EXD3: variants seen among roughly 807,000 people sequenced by gnomAD.
EXD3 encodes exonuclease 3'-5' domain containing 3, also known as exonuclease mut-7 homolog.
In EXD3, 92 loss-of-function variants were observed where a neutral mutation model predicts 98.0. The observed-to-expected ratio is 0.94, with a 90% CI of 0.79 to 1.12. EXD3 has a LOEUF of 1.12. Ranked by LOEUF, EXD3 falls within the 50% of genes most tolerant of loss-of-function variation. The probability of loss-of-function intolerance (pLI) is 0.00; values close to 1 mark genes in which losing one functional copy is unlikely to be tolerated. For missense variants in EXD3, 1,222 were observed against 1,191.6 expected (o/e 1.03, Z -0.38); for synonymous variants, 569 against 526.0 (o/e 1.08, Z -1.12).
chr9:137,375,694 G>A (rs779148471), intron 3 of EXD3, among the ~76,000 whole-genome samples: 41 of 151,100 alleles, frequency 2.7e-4, no homozygotes, highest in Non-Finnish European at 4.9e-4. Flanking sequence ...TCTAGCTTTC[G>A]TGAGTTCTAG....
intron 17 of EXD3, among the ~76,000 whole-genome samples, chr9:137,333,487 C>G (rs965626820): frequency 6.6e-5 from 10 of 152,146 alleles, no homozygotes; most frequent in African/African-American, 2.4e-4. Context: ...GTGTCCCCGC[C>G]CAAATCTCAT....
At position 137,393,139 on chromosome 9, in the gene EXD3, C is replaced by T. The variant is rs139849088; in HGVS notation, c.55+2164G>A. ...GGGCCATTAGTGTTCCAGGGGGCGC[C>T]GAGGCTGTTCCAGGGGCCCTGCTAG... is the stretch of plus-strand genomic sequence containing the variant. On this transcript the variant is annotated intron_variant, in intron 2 of 21. Transcript: ENST00000340951. The surrounding 1 kb of genome is among the most constrained non-coding windows in gnomAD (Gnocchi z 4.6). 2,667 of 700,892 alleles carry T rather than the reference C, an allele frequency of 3.8e-3. 15 individuals carry two copies. The highest frequency in any genetic ancestry group is 0.017 in the Middle Eastern group (61 of 3,554). 43.4% of individuals were successfully genotyped at this position (700,892 alleles called of 1,614,324 possible). A position where few individuals can be genotyped will look rare whatever the true frequency, so the allele number is the denominator to read the frequency against.
chr9:137,375,827 G>A (rs1263246092), intron 3 of EXD3, among the ~76,000 whole-genome samples: 2 of 152,148 alleles, frequency 1.3e-5, no homozygotes, highest in African/African-American at 4.8e-5. Context: ...AAAAGTTCCA[G>A]TAAATGAGCT....
intron 2 of EXD3, among the ~76,000 whole-genome samples, chr9:137,388,340 C>T (rs943415560): frequency 2.6e-5 from 4 of 152,048 alleles, no homozygotes; most frequent in African/African-American, 9.7e-5. Flanking sequence ...GCTGACACCC[C>T]CGCGCCGGCC....
chr9:137,347,208 G>T lies in EXD3; in HGVS notation c.1998+863C>A, dbSNP rs1376470534. Among the ~76,000 whole-genome samples the T allele has an allele frequency of 6.6e-6, 1 of 152,184 alleles. No homozygotes were observed. Among genetic ancestry groups the T allele is most frequent in the Non-Finnish European group, 1.5e-5 (1 of 68,034 alleles). On this transcript the variant is annotated intron_variant, in intron 17 of 21. Coordinates refer to ENST00000340951, the MANE Select transcript of EXD3 (RefSeq NM_017820.5). This position sits in a 1 kb window ranked among gnomAD's most constrained non-coding sequence, Gnocchi z 4.2. The stretch of plus-strand genomic sequence containing the variant: ...CCAGAAGTCCGGTGGACTCAACCAG[G>T]TTCTCTGCTCAGGGTCTCATGGCTG...
intron 1 of EXD3, among the ~76,000 whole-genome samples, chr9:137,420,533 C>T (rs1313438444): frequency 2.0e-5 from 3 of 152,090 alleles, no homozygotes; most frequent in African/African-American, 4.8e-5. Context: ...ACTGGGATGA[C>T]GTATTTTTGG....
At chr9:137,331,149 A>G (rs796790819) in intron 17 of EXD3, among the ~76,000 whole-genome samples, 30 of 152,330 alleles carry the variant, frequency 2.0e-4, no homozygotes, top group African/African-American at 7.0e-4. Flanking sequence ...ATTAAAAACA[A>G]AAACTACACG....
chr9:137,368,017 T>C (rs1835359495), intron 5 of EXD3, 28 bp from the exon 6 acceptor site: 2 of 1,599,768 alleles, frequency 1.3e-6, no homozygotes, highest in Non-Finnish European at 1.7e-6. Context: ...GGCAGATTAC[T>C]CAGGGCCTGG....
chr9:137,355,013 G>A (rs868746980), intron 8 of EXD3, among the ~76,000 whole-genome samples: 3 of 152,164 alleles, frequency 2.0e-5, no homozygotes, highest in South Asian at 2.1e-4. Context: ...CCTTTCGTCT[G>A]GCCTCCCTCT....
rs1195639805 is a variant in EXD3 at position 137,366,525 on chromosome 9, G to T, written c.624C>A (p.Cys208Ter). 6.4e-7 allele frequency: 1 copy of T among 1,551,166 alleles called. No homozygotes were observed. The highest frequency in any genetic ancestry group is 8.7e-7 in the Non-Finnish European group (1 of 1,147,402). ...RRLLVLMDSW[C>*]QPGFDIKDVA... is the part of the protein sequence containing the mutation. ...CGTCCTTGATGTCAAAGCCGGGCTG[G>T]CACCAGGAATCCATGAGGACCAGCA... The change falls in exon 7 of 22, where the codon TGC becomes TGA. Residue 208 changes from cysteine (C) to a stop codon, truncating the protein, a stop_gained. Coordinates refer to ENST00000340951, the MANE Select transcript of EXD3 (RefSeq NM_017820.5). LOFTEE classifies it high-confidence loss of function.
chr9:137,369,184 G>A (rs1420679703), intron 5 of EXD3, among the ~76,000 whole-genome samples: 4 of 149,624 alleles, frequency 2.7e-5, no homozygotes, highest in South Asian at 2.1e-4. Context: ...GCGCAGGGCC[G>A]GGGAGGGGCA....
intron 19 of EXD3, among the ~76,000 whole-genome samples, chr9:137,320,119 G>A (rs1432021923): frequency 6.6e-6 from 1 of 152,150 alleles, no homozygotes; most frequent in African/African-American, 2.4e-5. Context: ...TGTCCTCACC[G>A]CACACCACCC....
In EXD3 at chr9:137,382,816, A is replaced by G. The variant is rs116172953; in HGVS notation, c.120+497T>C. On this transcript the variant is annotated intron_variant, in intron 3 of 21. Transcript: ENST00000340951. ...TTCCTGTGCACAGGCCATTGCCACT[A>G]AGGAGCCGGAATCCGCGTCTGCCCC... 7.1e-3 allele frequency among the ~76,000 whole-genome samples: 1,078 copies of G among 152,214 alleles called. 22 individuals are homozygous for G. The highest frequency in any genetic ancestry group is 0.025 in the African/African-American group (1,025 of 41,534).
At chr9:137,402,917 G>C (rs917438821) in intron 1 of EXD3, among the ~76,000 whole-genome samples, 4 of 152,106 alleles carry the variant, frequency 2.6e-5, no homozygotes, top group African/African-American at 7.2e-5. Context: ...TGGAAACCCT[G>C]ATAAAGCCAT....
intron 1 of EXD3, among the ~76,000 whole-genome samples, chr9:137,415,629 C>T (rs112681884): frequency 3.3e-5 from 5 of 152,318 alleles, no homozygotes; most frequent in South Asian, 4.1e-4. Flanking sequence ...GCTGCAAGGA[C>T]GGGTCAGGTG....
chr9:137,406,199 G>A (rs1392554735), intron 1 of EXD3, among the ~76,000 whole-genome samples: 1 of 139,778 alleles, frequency 7.2e-6, no homozygotes, highest in Non-Finnish European at 1.5e-5. Flanking sequence ...CTGGGTGACA[G>A]AGCAAGACCC....
At position 137,357,949 on chromosome 9, in the gene EXD3, G is replaced by A. The variant is rs530638029; in HGVS notation, c.657-1581C>T. Among the ~76,000 whole-genome samples, 10 of 152,028 alleles carry A rather than the reference G, an allele frequency of 6.6e-5. No individual in the cohort carries two copies. The East Asian group carries it at 1.7e-3, about 26-fold the overall frequency. On this transcript the variant is annotated intron_variant, in intron 7 of 21. Coordinates refer to ENST00000340951, the MANE Select transcript of EXD3 (RefSeq NM_017820.5). ...GGGTAGGCCCATCTAGCCTTCTCAT[G>A]TTTTTCTGCCTGCTTTATATTCCAG...
intron 17 of EXD3, among the ~76,000 whole-genome samples, chr9:137,331,180 C>CA (rs1257442777): frequency 6.6e-6 from 1 of 152,118 alleles, no homozygotes; most frequent in Non-Finnish European, 1.5e-5. Flanking sequence ...TAGATGCATA[C>CA]AAAGCACTTG....
intron 1 of EXD3, among the ~76,000 whole-genome samples, chr9:137,402,403 C>G (rs1837519023): frequency 6.6e-6 from 1 of 152,172 alleles, no homozygotes; most frequent in Admixed American, 6.5e-5. Context: ...TCATCTCTCT[C>G]TCAAGGTCAA....
Sources: allele counts gnomAD v4.1 joint callset (sites outside exome capture counted in the v4.1 genomes callset), GRCh38; gene constraint gnomAD v4.1.1; non-coding constraint Gnocchi (gnomAD v3.1); transcripts MANE v1.5; gene names NCBI Gene and HGNC (gene_info 2026-07-23, HGNC 2026-07-21).